The following CYGB variants were observed in gnomAD, a reference collection of about 807,000 sequenced individuals.
The protein encoded by CYGB is cytoglobin.
In CYGB, 13 loss-of-function variants were observed where a neutral mutation model predicts 20.7. The ratio of observed to expected loss-of-function variants is 0.63; its 90% CI spans 0.41 to 1.00. CYGB has a LOEUF of 1.00. Ranked by LOEUF, CYGB falls within the 50% of genes least tolerant of loss-of-function variation. The probability of loss-of-function intolerance (pLI) is 0.00; values close to 1 mark genes in which losing one functional copy is unlikely to be tolerated. For synonymous variants in CYGB, 93 were observed against 107.4 expected, an observed-to-expected ratio of 0.87 and a Z score of 0.83; for missense variants, 218 against 257.2, an observed-to-expected ratio of 0.85 and a Z score of 1.04.
chr17:76,544,567 G>A, intron 1 of CYGB: 2 of 456,718 alleles, frequency 4.4e-6, no homozygotes, highest in Non-Finnish European at 8.8e-6. Flanking sequence ...GGAGCCTGCA[G>A]AGGCAAAGCC....
chr17:76,541,003 T>C (rs1028998710), upstream of CYGB, among the ~76,000 whole-genome samples: 1 of 152,138 alleles, frequency 6.6e-6, no homozygotes, highest in Non-Finnish European at 1.5e-5. Flanking sequence ...CAGTCCCCAA[T>C]AGAAGGCGCG....
At chr17:76,544,602 T>C (rs2075032497) in intron 1 of CYGB, 1 of 456,602 alleles carries the variant, frequency 2.2e-6, no homozygotes, top group Non-Finnish European at 4.4e-6. Flanking sequence ...ACCCAGGCCG[T>C]GAGCCCGTGA....
intron 1 of CYGB, among the ~76,000 whole-genome samples, chr17:76,535,273 G>C (rs951399152): frequency 1.3e-5 from 2 of 152,210 alleles, no homozygotes; most frequent in African/African-American, 4.8e-5. Flanking sequence ...GCAGTGGGGA[G>C]GGCAGAGGTG....
At chr17:76,542,777 CT>C in intron 1 of CYGB, 1 of 674,026 alleles carries the variant, frequency 1.5e-6, no homozygotes, top group Non-Finnish European at 2.7e-6. Context: ...GGCGGATGGA[CT>C]CATGCCTTTG....
chr17:76,544,889 C>T (rs2075036301), intron 1 of CYGB: 3 of 456,696 alleles, frequency 6.6e-6, no homozygotes, highest in Non-Finnish European at 1.3e-5. Flanking sequence ...CAGGGCAGCG[C>T]CCCTCCACGC....
chr17:76,542,171 T>C (rs1173989781), upstream of CYGB, among the ~76,000 whole-genome samples: 2 of 151,952 alleles, frequency 1.3e-5, no homozygotes, highest in African/African-American at 4.8e-5. Flanking sequence ...CCAGGCAGGG[T>C]CTCTTCTACA....
At chr17:76,529,588 C>G in intron 3 of CYGB, 1 of 985,348 alleles carries the variant, frequency 1.0e-6, no homozygotes, top group Non-Finnish European at 1.2e-6. Flanking sequence ...AGCAGGAAGT[C>G]TTGTGTCCTG....
In CYGB at chr17:76,527,764, G is replaced by A; in HGVS notation, c.*814C>T. 1 of 454,020 alleles carries A rather than the reference G, an allele frequency of 2.2e-6. No individual in the cohort carries two copies. Among genetic ancestry groups the A allele is most frequent in the Non-Finnish European group, 4.4e-6 (1 of 226,736 alleles). 28.1% of individuals were successfully genotyped at this position (454,020 alleles called of 1,614,324 possible). A position where few individuals can be genotyped will look rare whatever the true frequency, so the allele number is the denominator to read the frequency against. ...AGCTAGCGGTCGAGGTTTCTGGACT[G>A]AGGCCCCTCCCCCAGTGCGGTCATC... On this transcript the variant is annotated 3_prime_UTR_variant, in exon 4 of 4. Coordinates refer to ENST00000293230, the MANE Select transcript of CYGB (RefSeq NM_134268.5).
intron 3 of CYGB, chr17:76,529,466 G>T: frequency 1.0e-6 from 1 of 985,460 alleles, no homozygotes; most frequent in Non-Finnish European, 1.2e-6. Context: ...GGGCAGGACG[G>T]GCAGCGTGCT....
At chr17:76,535,167 C>T (rs1023437299) in intron 1 of CYGB, among the ~76,000 whole-genome samples, 2 of 152,232 alleles carry the variant, frequency 1.3e-5, no homozygotes, top group Non-Finnish European at 2.9e-5. Context: ...CCTCCACCCC[C>T]ACCAATGTGG....
At chr17:76,544,195 C>G (rs759624725) in intron 1 of CYGB, 5 of 454,554 alleles carry the variant, frequency 1.1e-5, no homozygotes, top group South Asian at 7.8e-5. Context: ...TTCAAAAACC[C>G]CCCGTGCCTC....
At chr17:76,532,475 C>T (rs958148474) in intron 1 of CYGB, among the ~76,000 whole-genome samples, 6 of 151,972 alleles carry the variant, frequency 3.9e-5, no homozygotes, top group African/African-American at 7.3e-5. Context: ...GGCTCTCACG[C>T]ACCCTCTGAC....
upstream of CYGB, chr17:76,538,287 C>T (rs1033438697): frequency 2.9e-4 from 56 of 195,186 alleles, 1 homozygote; most frequent in Admixed American, 3.2e-3. Context: ...GGCCGCGGCG[C>T]CACTCCCACG....
Position 76,531,573 on chromosome 17 carries a change from C to T in CYGB, c.262G>A (p.Ala88Thr). The T allele has an allele frequency of 1.9e-6, 3 of 1,614,082 alleles. No homozygotes were observed. Among genetic ancestry groups the T allele is most frequent in the Non-Finnish European group, 2.5e-6 (3 of 1,179,914 alleles). Residue 88 changes from alanine to threonine, a missense_variant, in exon 2 of 4, where the codon GCC becomes ACC. Ala to Thr is a moderately conservative substitution (Grantham distance 58, BLOSUM62 0). Around this residue, in one of 2 missense-constraint regions of CYGB, gnomAD observed 152 missense variants for 149.9 expected, o/e 1.01. Transcript: ENST00000293230. This position sits in a 1 kb window ranked among gnomAD's most constrained non-coding sequence, Gnocchi z 7.4. Reference protein sequence around the residue: ...LRKHACRVMGALNTVVENLHD... With the variant: ...LRKHACRVMGTLNTVVENLHD... Reference sequence around the variant, plus strand: ...AGGTTCTCCACGACAGTGTTGAGGGCCCCCATGACTCGGCAGGCGTGCTTC... The same window carrying T: ...AGGTTCTCCACGACAGTGTTGAGGGTCCCCATGACTCGGCAGGCGTGCTTC...
chr17:76,530,969 G>A lies in CYGB; in HGVS notation c.539+10C>T, dbSNP rs1377357650. 2.5e-6 allele frequency: 4 copies of A among 1,577,208 alleles called. No homozygotes were observed. The highest frequency in any genetic ancestry group is 3.4e-6 in the Non-Finnish European group (4 of 1,159,872). Reference sequence around the variant, plus strand: ...GAGGCTGCCCAGCCCACCCTCGCCCGCCTCCTCACGTGGTGGCGTTGGGGA... The same window carrying A: ...GAGGCTGCCCAGCCCACCCTCGCCCACCTCCTCACGTGGTGGCGTTGGGGA... On this transcript the variant is annotated intron_variant, in intron 3 of 3. Transcript: ENST00000293230. The surrounding 1 kb of genome is among the most constrained non-coding windows in gnomAD (Gnocchi z 6.1).
exon 1 of CYGB, chr17:76,551,085 G>C (rs2075104554): frequency 6.6e-6 from 1 of 152,246 alleles, no homozygotes; most frequent in African/African-American, 2.4e-5. Flanking sequence ...CCTGCCACCA[G>C]GAAGGTGCCA....
At chr17:76,543,858 C>T in intron 1 of CYGB, 1 of 471,106 alleles carries the variant, frequency 2.1e-6, no homozygotes, top group Non-Finnish European at 4.4e-6. Flanking sequence ...ATAAGAAATG[C>T]CAGTTGGATC....
At chr17:76,529,081 C>G in intron 3 of CYGB, 2 of 955,228 alleles carry the variant, frequency 2.1e-6, no homozygotes, top group Non-Finnish European at 2.5e-6. Flanking sequence ...AAGGCGCACA[C>G]CCTGGAGCAG....
upstream of CYGB, chr17:76,540,676 C>A: frequency 2.5e-6 from 3 of 1,194,058 alleles, no homozygotes; most frequent in Non-Finnish European, 2.5e-6. The surrounding 1 kb of genome is among the most constrained non-coding windows in gnomAD (Gnocchi z 5.0). Flanking sequence ...CCTGTGCGTG[C>A]ACCGTATCCT....
Sources: allele counts gnomAD v4.1 joint callset (sites outside exome capture counted in the v4.1 genomes callset), GRCh38; gene constraint gnomAD v4.1.1; regional missense constraint gnomAD v4.1.1; non-coding constraint Gnocchi (gnomAD v3.1); transcripts MANE v1.5; gene names NCBI Gene and HGNC (gene_info 2026-07-23, HGNC 2026-07-21).